ZFYVE28: variants seen among roughly 807,000 people sequenced by gnomAD.
ZFYVE28 encodes lateral signaling target protein 2 homolog.
In ZFYVE28, 40 loss-of-function variants were observed where a neutral mutation model predicts 82.1. That is an observed-to-expected ratio of 0.49 (90% CI 0.38 to 0.63). ZFYVE28 has a LOEUF of 0.63. ZFYVE28 is among the 30% of genes least tolerant of loss of function. The pLI, the probability that ZFYVE28 is intolerant of heterozygous loss-of-function variation, is 0.00. For synonymous variants in ZFYVE28, 612 were observed against 546.1 expected (o/e 1.12, Z -1.68); for missense variants, 1,321 against 1,242.1 (o/e 1.06, Z -0.96).
intron 1 of ZFYVE28, among the ~76,000 whole-genome samples, chr4:2,378,739 C>T (rs527385051): frequency 6.6e-6 from 1 of 152,326 alleles, no homozygotes; most frequent in South Asian, 2.1e-4. Flanking sequence ...CTCCATCCAC[C>T]CACCCAACCA....
At chr4:2,330,430 A>G in intron 6 of ZFYVE28, 1 of 1,051,636 alleles carries the variant, frequency 9.5e-7, no homozygotes, top group South Asian at 3.1e-5. Context: ...AAGAGGGGAC[A>G]TCATGGAGGG....
intron 7 of ZFYVE28, among the ~76,000 whole-genome samples, chr4:2,310,526 G>A (rs1486697907): frequency 6.6e-6 from 1 of 152,154 alleles, no homozygotes; most frequent in Non-Finnish European, 1.5e-5. Flanking sequence ...AGTTAGGGCT[G>A]GGTATGGTGG....
chr4:2,392,072 T>G (rs528566630), intron 1 of ZFYVE28, among the ~76,000 whole-genome samples: 1 of 151,370 alleles, frequency 6.6e-6, no homozygotes, highest in African/African-American at 2.4e-5. Context: ...GAGGATCACT[T>G]GAACCCAGCA....
intron 2 of ZFYVE28, among the ~76,000 whole-genome samples, chr4:2,349,139 T>C (rs1449291982): frequency 2.0e-5 from 3 of 152,096 alleles, no homozygotes; most frequent in Admixed American, 6.5e-5. Flanking sequence ...CAAATAGCTA[T>C]GGTGAGAAGG....
At chr4:2,370,277 G>A (rs904415567) in intron 1 of ZFYVE28, among the ~76,000 whole-genome samples, 9 of 150,346 alleles carry the variant, frequency 6.0e-5, no homozygotes, top group African/African-American at 2.3e-4. Flanking sequence ...GATTTGCCTG[G>A]TCCTGTGTCA....
intron 8 of ZFYVE28, among the ~76,000 whole-genome samples, chr4:2,281,287 G>A (rs533263062): frequency 3.3e-5 from 5 of 152,168 alleles, no homozygotes; most frequent in Non-Finnish European, 5.9e-5. Flanking sequence ...TTCACCGAGA[G>A]CATGAGCCTG....
At chr4:2,306,735 A>T (rs1009203489) in intron 7 of ZFYVE28, among the ~76,000 whole-genome samples, 32 of 152,350 alleles carry the variant, frequency 2.1e-4, no homozygotes, top group African/African-American at 7.7e-4. Context: ...TTCTAACTGA[A>T]CTGGGCTTTC....
intron 8 of ZFYVE28, among the ~76,000 whole-genome samples, chr4:2,289,408 C>T (rs553133270): frequency 1.3e-5 from 2 of 152,190 alleles, no homozygotes; most frequent in Admixed American, 6.5e-5. Flanking sequence ...GGCCCTGGGC[C>T]GCGTAACACA....
chr4:2,374,325 T>C (rs1727883035), intron 1 of ZFYVE28, among the ~76,000 whole-genome samples: 1 of 152,184 alleles, frequency 6.6e-6, no homozygotes, highest in South Asian at 2.1e-4. Context: ...CAGAATCCTG[T>C]TTCAGGCCAG....
In ZFYVE28 at chr4:2,305,467, G is replaced by A. The variant is rs753661998; in HGVS notation, c.873C>T (p.Asp291=). ...CGTCTGCGCGGATGGGGAACTCCAC[G>A]TCTTGGGAAATGCAGAGGTTCCGTT... ...TLERNLCISQ[D]VEFPIRADVQ... The change falls in exon 8 of 13, where the codon GAC becomes GAT. Residue 291 remains aspartate (D), a synonymous_variant. Coordinates refer to ENST00000290974, the MANE Select transcript of ZFYVE28 (RefSeq NM_020972.3). The A allele has an allele frequency of 1.3e-5, 21 of 1,612,848 alleles. No individual in the cohort carries two copies. The highest frequency in any genetic ancestry group is 6.7e-5 in the African/African-American group (5 of 74,922).
At chr4:2,294,418 C>A (rs961541208) in intron 8 of ZFYVE28, among the ~76,000 whole-genome samples, 2 of 152,126 alleles carry the variant, frequency 1.3e-5, no homozygotes, top group Non-Finnish European at 2.9e-5. Flanking sequence ...TGATCCATGC[C>A]TCACACCATA....
intron 1 of ZFYVE28, among the ~76,000 whole-genome samples, chr4:2,391,942 G>A (rs192143441): frequency 6.6e-6 from 1 of 151,846 alleles, no homozygotes; most frequent in African/African-American, 2.4e-5. Context: ...CATTAGGCTG[G>A]TCAGGAGTTT....
intron 1 of ZFYVE28, among the ~76,000 whole-genome samples, chr4:2,385,496 A>C (rs1729161688): frequency 6.6e-6 from 1 of 152,234 alleles, no homozygotes; most frequent in Non-Finnish European, 1.5e-5. Context: ...CTGGACTGTC[A>C]GCTGGGACCC....
At chr4:2,309,137 T>C (rs992736722) in intron 7 of ZFYVE28, among the ~76,000 whole-genome samples, 4 of 152,176 alleles carry the variant, frequency 2.6e-5, no homozygotes, top group African/African-American at 9.7e-5. Context: ...AGGAGATTAA[T>C]GCATTTCTCA....
chr4:2,284,282 C>T (rs1343081179), intron 8 of ZFYVE28, among the ~76,000 whole-genome samples: 5 of 152,144 alleles, frequency 3.3e-5, no homozygotes, highest in Non-Finnish European at 2.9e-5. Context: ...AGCACAGTGG[C>T]GTGACCACGG....
intron 2 of ZFYVE28, among the ~76,000 whole-genome samples, chr4:2,347,553 A>T (rs115989817): frequency 0.013 from 1,977 of 152,328 alleles, 22 homozygotes; most frequent in Middle Eastern, 0.034. Flanking sequence ...AAATAATCCA[A>T]GTCACACAAA....
At chr4:2,371,840 T>C (rs949124489) in intron 1 of ZFYVE28, among the ~76,000 whole-genome samples, 10 of 152,136 alleles carry the variant, frequency 6.6e-5, no homozygotes, top group African/African-American at 2.2e-4. Context: ...AGCAAACAGC[T>C]GGCAGCCCGC....
At chr4:2,309,763 G>C (rs776206533) in intron 7 of ZFYVE28, among the ~76,000 whole-genome samples, 7 of 152,214 alleles carry the variant, frequency 4.6e-5, no homozygotes, top group Non-Finnish European at 7.3e-5. Context: ...CACACACACA[G>C]AGATACGCAC....
chr4:2,344,851 A>G (rs886221573), intron 2 of ZFYVE28, among the ~76,000 whole-genome samples: 1 of 151,994 alleles, frequency 6.6e-6, no homozygotes, highest in Non-Finnish European at 1.5e-5. Context: ...AGCTGAGATC[A>G]TGCCATTGCA....
Sources: allele counts gnomAD v4.1 joint callset (sites outside exome capture counted in the v4.1 genomes callset), GRCh38; gene constraint gnomAD v4.1.1; transcripts MANE v1.5; gene names NCBI Gene and HGNC (gene_info 2026-07-23, HGNC 2026-07-21).